Variants in SLC39A12 observed in about 807,000 individuals in gnomAD.
SLC39A12 encodes the protein solute carrier family 39 member 12.
A neutral mutation model predicts 71.1 loss-of-function variants in SLC39A12; 63 were observed. The observed-to-expected ratio is 0.89, with a 90% confidence interval of 0.72 to 1.09. The LOEUF (loss-of-function observed/expected upper bound fraction) is 1.09, where lower values mean the gene tolerates loss of function less well. Among genes scored for constraint, SLC39A12 ranks in the 50% least tolerant of loss-of-function variants. The pLI is 0.00. For missense variants in SLC39A12, 892 were observed against 812.6 expected (o/e 1.10, Z -1.19); for synonymous variants, 351 against 301.3 (o/e 1.16, Z -1.71).
rs150667246 is a variant in SLC39A12, at chr10:17,998,358, A to G, written c.1601-2309A>G. On this transcript the variant is annotated intron_variant, in intron 10 of 12. Transcript: ENST00000377369. ...TATGCTATTAATATCAAGGCTACAT[A>G]TAGGCATGTGGAAATTACAAGTTTA... Among the ~76,000 whole-genome samples, 5 of 152,356 alleles carry G rather than the reference A, an allele frequency of 3.3e-5. No homozygotes were observed. In the East Asian group the frequency reaches 9.6e-4, roughly 29 times the overall value.
chr10:17,999,597 C>A (rs1420678162), intron 10 of SLC39A12, among the ~76,000 whole-genome samples: 1 of 152,056 alleles, frequency 6.6e-6, no homozygotes. Flanking sequence ...AAAGCTGAAC[C>A]CAATTATGAT....
At chr10:17,988,936 C>T (rs2130821819) in intron 7 of SLC39A12, among the ~76,000 whole-genome samples, 1 of 152,270 alleles carries the variant, frequency 6.6e-6, no homozygotes, top group East Asian at 1.9e-4. Context: ...TGACCCTGCC[C>T]ACCTCTGTAA....
intron 1 of SLC39A12, among the ~76,000 whole-genome samples, chr10:17,952,471 T>C (rs1834425758): frequency 2.2e-5 from 3 of 138,142 alleles, no homozygotes; most frequent in African/African-American, 8.3e-5. Context: ...AAAACTCTTT[T>C]TTTTTCTTTT....
intron 12 of SLC39A12, among the ~76,000 whole-genome samples, chr10:18,037,540 G>T (rs530659905): frequency 1.3e-5 from 2 of 152,110 alleles, no homozygotes; most frequent in African/African-American, 4.8e-5. Context: ...CTGAGCTAAT[G>T]TTTCTTCAAA....
Position 17,965,606 on chromosome 10 carries a change from G to A in SLC39A12, c.667G>A (p.Gly223Arg). ...TTTGTCCCTCCAGGGTGTTTGTCTG[G>A]GACAAGGAAACTTGCCTTCCCCAGA... ...ITLSLQGVCLGQGNLPSPDYF... is the reference protein window; with the variant it reads ...ITLSLQGVCLRQGNLPSPDYF... The change falls in exon 4 of 13, where the codon GGA becomes AGA. Residue 223 changes from glycine to arginine, a missense_variant. By Grantham distance (125) the Gly-to-Arg change is moderately radical. Coordinates refer to ENST00000377369, the MANE Select transcript of SLC39A12 (RefSeq NM_001145195.2). 5.6e-6 allele frequency: 9 copies of A among 1,614,064 alleles called. No individual in the cohort carries two copies. The highest frequency in any genetic ancestry group is 7.6e-6 in the Non-Finnish European group (9 of 1,179,990).
intron 2 of SLC39A12, among the ~76,000 whole-genome samples, chr10:17,958,107 G>A (rs1834595062): frequency 6.6e-6 from 1 of 152,090 alleles, no homozygotes; most frequent in Non-Finnish European, 1.5e-5. Context: ...CGATTATAGT[G>A]CGGACCCTGC....
chr10:17,963,080 G>A (rs1554848587), intron 3 of SLC39A12, among the ~76,000 whole-genome samples: 1 of 152,050 alleles, frequency 6.6e-6, no homozygotes, highest in Non-Finnish European at 1.5e-5. Context: ...AGGATGGCTT[G>A]TGCCCAGGAG....
intron 6 of SLC39A12, among the ~76,000 whole-genome samples, chr10:17,983,585 C>T (rs1420650557): frequency 6.6e-6 from 1 of 152,108 alleles, no homozygotes. Context: ...AGTTCGAGAC[C>T]AGCCTGGCCA....
intron 12 of SLC39A12, among the ~76,000 whole-genome samples, chr10:18,035,482 T>G (rs1836976738): frequency 6.8e-6 from 1 of 146,872 alleles, no homozygotes; most frequent in African/African-American, 2.6e-5. Flanking sequence ...TTCTCGAGCC[T>G]TGGTTTTCAG....
At chr10:18,037,780 T>G (rs1411063489) in intron 12 of SLC39A12, among the ~76,000 whole-genome samples, 1 of 151,868 alleles carries the variant, frequency 6.6e-6, no homozygotes, top group East Asian at 1.9e-4. Context: ...TCCCAGCACT[T>G]TGGGAGGCCA....
intron 12 of SLC39A12, among the ~76,000 whole-genome samples, chr10:18,037,131 C>T (rs1837074927): frequency 1.3e-5 from 2 of 151,828 alleles, no homozygotes; most frequent in Non-Finnish European, 2.9e-5. Flanking sequence ...TTTTTTGGAC[C>T]ATTTGATTTT....
At chr10:17,998,131 A>C (rs1344922802) in intron 10 of SLC39A12, among the ~76,000 whole-genome samples, 5 of 152,080 alleles carry the variant, frequency 3.3e-5, no homozygotes, top group African/African-American at 9.7e-5. Flanking sequence ...CCCGCTAAAT[A>C]ATGTTTAAAT....
intron 2 of SLC39A12, among the ~76,000 whole-genome samples, chr10:17,957,322 C>T (rs370195416): frequency 6.6e-6 from 1 of 152,104 alleles, no homozygotes; most frequent in Non-Finnish European, 1.5e-5. Context: ...CAATTACTAC[C>T]AAGTGTCCGA....
intron 2 of SLC39A12, among the ~76,000 whole-genome samples, chr10:17,954,263 A>C (rs1179890326): frequency 6.6e-6 from 1 of 151,980 alleles, no homozygotes; most frequent in African/African-American, 2.4e-5. Flanking sequence ...ATTTTATTTT[A>C]TTTATTGTGA....
chr10:18,022,837 C>A (rs369582148), intron 12 of SLC39A12, among the ~76,000 whole-genome samples: 114 of 152,244 alleles, frequency 7.5e-4, no homozygotes, highest in African/African-American at 2.7e-3. Flanking sequence ...AGGGCCAAGG[C>A]TTTGTGCAAG....
In SLC39A12 at chr10:18,003,223, G is replaced by A. The variant is rs758140022; in HGVS notation, c.1812G>A (p.Leu604=). The A allele has an allele frequency of 6.2e-7, 1 of 1,614,080 alleles. No homozygotes were observed. Among genetic ancestry groups the A allele is most frequent in the Admixed American group, 1.7e-5 (1 of 60,014 alleles). Residue 604 remains leucine, a synonymous_variant, in exon 12 of 13, where the codon CTG becomes CTA. Transcript: ENST00000377369. ...SSGLSMKTAI[L]MNFISSLTAF... is the part of the protein sequence containing the mutation. ...GACTTTCTATGAAGACTGCCATCCT[G>A]ATGAATTTTATAAGCTCCCTAACTG... is the stretch of plus-strand genomic sequence containing the variant.
intron 6 of SLC39A12, among the ~76,000 whole-genome samples, chr10:17,983,760 C>T (rs763211619): frequency 5.9e-5 from 9 of 152,056 alleles, no homozygotes; most frequent in Non-Finnish European, 7.4e-5. Context: ...CCAGCCTGGG[C>T]GACAGGGAGA....
At chr10:18,004,091 C>T (rs1835932184) in intron 12 of SLC39A12, among the ~76,000 whole-genome samples, 1 of 152,134 alleles carries the variant, frequency 6.6e-6, no homozygotes, top group Non-Finnish European at 1.5e-5. Flanking sequence ...GGAAATTTCA[C>T]ATTGTCTTGC....
At chr10:17,999,190 C>T (rs904916049) in intron 10 of SLC39A12, among the ~76,000 whole-genome samples, 2 of 144,394 alleles carry the variant, frequency 1.4e-5, no homozygotes, top group African/African-American at 2.6e-5. Flanking sequence ...CCCAGCAACT[C>T]GGGAGGCTGA....
Sources: gnomAD v4.1 joint callset for allele counts (sites outside exome capture counted in the v4.1 genomes callset) on GRCh38, gnomAD v4.1.1 for gene constraint, MANE v1.5 for transcripts, NCBI Gene and HGNC (gene_info 2026-07-23, HGNC 2026-07-21) for gene names.